Variants in GCLC observed in about 807,000 individuals in gnomAD.
The protein encoded by GCLC is glutamate--cysteine ligase catalytic subunit.
GCLC carries 30 observed loss-of-function variants against 81.5 expected under a neutral mutation model. That is an observed-to-expected ratio of 0.37 (90% CI 0.28 to 0.50). The LOEUF (loss-of-function observed/expected upper bound fraction) is 0.50, where lower values mean the gene tolerates loss of function less well. Ranked by LOEUF, GCLC falls within the 20% of genes least tolerant of loss-of-function variation. GCLC has a pLI of 0.96. For synonymous variants in GCLC, 262 were observed against 273.3 expected, an observed-to-expected ratio of 0.96 and a Z score of 0.41; for missense variants, 556 against 777.4, an observed-to-expected ratio of 0.72 and a Z score of 3.39.
intron 1 of GCLC, chr6:53,523,326 G>A (rs968914056): frequency 1.3e-5 from 2 of 152,176 alleles, no homozygotes; most frequent in African/African-American, 4.8e-5. Context: ...ATGAATCACT[G>A]TGTGTGATGG....
Position 53,500,539 on chromosome 6 carries a change from A to C in GCLC, c.1396-26T>G, listed in dbSNP as rs1365868232. ...CTAAGGGAAAAAAAGAATCACGACT[A>C]AGTCAAAATATTCTTGATCAGACAT... On this transcript the variant is annotated intron_variant, in intron 12 of 15. Coordinates refer to ENST00000650454, the MANE Select transcript of GCLC (RefSeq NM_001498.4). The C allele has an allele frequency of 6.1e-6, 9 of 1,487,592 alleles. No homozygotes were observed. The Admixed American group carries it at 1.5e-4, about 25-fold the overall frequency. The allele number at this position is 1,487,592 out of a possible 1,614,324, so 92.1% of individuals were successfully genotyped here. A position where few individuals can be genotyped will look rare whatever the true frequency, so the allele number is the denominator to read the frequency against.
chr6:53,506,413 G>T lies in GCLC; in HGVS notation c.1197+500C>A. ...CATCTTGGGACCCGATGGCAAGACT[G>T]GAAGGATTTATATCTCCTTTTGTGA... On this transcript the variant is annotated intron_variant, in intron 10 of 15. Transcript: ENST00000650454. This position sits in a 1 kb window ranked among gnomAD's most constrained non-coding sequence, Gnocchi z 4.0. 4.6e-6 allele frequency: 1 copy of T among 217,986 alleles called. No individual in the cohort carries two copies. The highest frequency in any genetic ancestry group is 9.1e-6 in the Non-Finnish European group (1 of 109,320). 13.5% of individuals were successfully genotyped at this position (217,986 alleles called of 1,614,324 possible).
rs371801303 is a variant in GCLC at position 53,498,390 on chromosome 6, CAAA to C, written c.*363_*365del. ...AGGTCCCAGGTAGTCTTTAAAAGAA[CAAA>C]AATTTACAGTAAACATTTTAACTCT... On this transcript the variant is annotated 3_prime_UTR_variant, in exon 16 of 16. Transcript: ENST00000650454. The C allele has an allele frequency of 3.7e-4, 74 of 199,274 alleles. No individual in the cohort carries two copies. The highest frequency in any genetic ancestry group is 2.1e-3 in the Middle Eastern group (1 of 470). The allele number at this position is 199,274 out of a possible 1,614,324, so 12.3% of individuals were successfully genotyped here. A position where few individuals can be genotyped will look rare whatever the true frequency, so the allele number is the denominator to read the frequency against.
intron 1 of GCLC, among the ~76,000 whole-genome samples, chr6:53,537,498 G>A (rs1763275517): frequency 6.6e-6 from 1 of 152,108 alleles, no homozygotes; most frequent in Non-Finnish European, 1.5e-5. Context: ...CGTTTTTGAA[G>A]CGCAACTTAG....
chr6:53,507,608 T>C lies in GCLC; in HGVS notation c.956A>G (p.Asn319Ser). 6.8e-7 allele frequency: 1 copy of C among 1,477,954 alleles called. No homozygotes were observed. Among genetic ancestry groups the C allele is most frequent in the Non-Finnish European group, 9.5e-7 (1 of 1,058,024 alleles). 91.6% of individuals were successfully genotyped at this position (1,477,954 alleles called of 1,614,324 possible). Reference protein sequence around the residue: ...REERGLEPLKNNNYRISKSRY... With the variant: ...REERGLEPLKSNNYRISKSRY... ...GGATTTACTGATCCTATAGTTATTG[T>C]TCTTCAATGGCTAAAGATTAAAAAT... Residue 319 changes from asparagine (N) to serine (S), a missense_variant, in exon 9 of 16, where the codon AAC becomes AGC. Coordinates refer to ENST00000650454, the MANE Select transcript of GCLC (RefSeq NM_001498.4).
At chr6:53,517,996 A>C (rs1188913664) in intron 3 of GCLC, among the ~76,000 whole-genome samples, 1 of 152,200 alleles carries the variant, frequency 6.6e-6, no homozygotes, top group African/African-American at 2.4e-5. Context: ...ACACTTAAGA[A>C]CCAGAGCACT....
intron 12 of GCLC, chr6:53,503,457 T>G (rs1466856687): frequency 6.6e-6 from 1 of 152,200 alleles, no homozygotes; most frequent in African/African-American, 2.4e-5. Context: ...TCCATTCAGT[T>G]TTGTTAGAAT....
intron 1 of GCLC, among the ~76,000 whole-genome samples, chr6:53,543,167 C>T (rs1228924566): frequency 1.3e-5 from 2 of 152,290 alleles, no homozygotes; most frequent in African/African-American, 4.8e-5. Context: ...TCTAGGAAAA[C>T]AGAGGTGAAC....
intron 6 of GCLC, chr6:53,510,030 A>G (rs1187585404): frequency 1.3e-5 from 2 of 152,618 alleles, no homozygotes; most frequent in East Asian, 1.9e-4. Flanking sequence ...ACAGGGAAGC[A>G]GTTAAAATAC....
chr6:53,512,410 TC>T (rs1013790185), intron 6 of GCLC, among the ~76,000 whole-genome samples: 14 of 152,108 alleles, frequency 9.2e-5, no homozygotes, highest in African/African-American at 3.4e-4. Flanking sequence ...TTTTTTTTTT[TC>T]CATCTCTCTA....
chr6:53,530,957 A>G (rs2127628586), intron 1 of GCLC, among the ~76,000 whole-genome samples: 1 of 152,214 alleles, frequency 6.6e-6, no homozygotes, highest in Non-Finnish European at 1.5e-5. Flanking sequence ...TTGGGCGGTA[A>G]TAGGTGGGGG....
At chr6:53,536,947 G>A (rs552200178) in intron 1 of GCLC, among the ~76,000 whole-genome samples, 1 of 152,244 alleles carries the variant, frequency 6.6e-6, no homozygotes, top group South Asian at 2.1e-4. Flanking sequence ...TGCTTTTAAA[G>A]TACAACATAA....
intron 4 of GCLC, 65 bp downstream of exon 4, chr6:53,516,044 C>T (rs1764864404): frequency 1.2e-5 from 11 of 948,830 alleles, no homozygotes; most frequent in Non-Finnish European, 1.6e-5. Flanking sequence ...GACAGAAATA[C>T]TATACTCTCA....
At position 53,514,477 on chromosome 6, in the gene GCLC, C is replaced by A. The variant is rs777953091; in HGVS notation, c.581G>T (p.Arg194Leu). Reference sequence around the variant, plus strand: ...GACAACCTTTTCTCCTCTCCTATGTCGGATATTTCTTGTTAAGGTACTAAA... The same window carrying A: ...GACAACCTTTTCTCCTCTCCTATGTAGGATATTTCTTGTTAAGGTACTAAA... ...PRFSTLTRNI[R>L]HRRGEKVVIN... Residue 194 changes from arginine to leucine, a missense_variant, in exon 5 of 16, where the codon CGA (arginine) becomes CTA (leucine). Arg to Leu is a moderately radical substitution (Grantham distance 102). This residue lies in a region of GCLC where 234 missense variants were observed against 303.8 expected (regional missense o/e 0.77). Transcript: ENST00000650454. 1 of 1,613,250 alleles carries A rather than the reference C, an allele frequency of 6.2e-7. No homozygotes were observed. Among genetic ancestry groups the A allele is most frequent in the Non-Finnish European group, 8.5e-7 (1 of 1,179,240 alleles).
chr6:53,534,071 A>C (rs1763217604), intron 1 of GCLC, among the ~76,000 whole-genome samples: 1 of 152,244 alleles, frequency 6.6e-6, no homozygotes, highest in Admixed American at 6.5e-5. Context: ...CCGGGATTAC[A>C]GGCGTGAACC....
At chr6:53,521,163 T>C (rs17884118) in intron 2 of GCLC, among the ~76,000 whole-genome samples, 2,150 of 152,252 alleles carry the variant, frequency 0.014, 26 homozygotes, top group Non-Finnish European at 0.024. Flanking sequence ...CAAAATGTTT[T>C]TTTTCTTTTG....
At chr6:53,522,859 A>C (rs1245674075) in intron 1 of GCLC, 2 of 242,300 alleles carry the variant, frequency 8.3e-6, no homozygotes, top group South Asian at 1.1e-4. Context: ...TGTAAAAAAG[A>C]AGCTGCATTT....
chr6:53,512,035 G>A (rs1486465680), intron 6 of GCLC, among the ~76,000 whole-genome samples: 1 of 145,054 alleles, frequency 6.9e-6, no homozygotes, highest in African/African-American at 2.6e-5. Context: ...TGCAACCTCC[G>A]CCTCCCAGGT....
intron 3 of GCLC, among the ~76,000 whole-genome samples, chr6:53,517,285 C>A (rs1382570333): frequency 8.6e-6 from 1 of 115,886 alleles, no homozygotes; most frequent in Non-Finnish European, 1.7e-5. Flanking sequence ...TTTCCAGGGA[C>A]GAGGTCTCAC....
Sources: gnomAD v4.1 joint callset for allele counts (sites outside exome capture counted in the v4.1 genomes callset) on GRCh38, gnomAD v4.1.1 for gene constraint, gnomAD v4.1.1 regional missense constraint, Gnocchi (gnomAD v3.1) non-coding constraint, MANE v1.5 for transcripts, NCBI Gene and HGNC (gene_info 2026-07-23, HGNC 2026-07-21) for gene names.